The following INTS7 variants were observed in gnomAD, a reference collection of about 807,000 sequenced individuals.
INTS7 encodes the protein integrator complex subunit 7, also known as chromosome 1 open reading frame 73.
In INTS7, 46 loss-of-function variants were observed where a neutral mutation model predicts 109.2. The observed-to-expected ratio is 0.42, with a 90% CI of 0.33 to 0.54. The LOEUF (loss-of-function observed/expected upper bound fraction) is 0.54, where lower values mean the gene tolerates loss of function less well. INTS7 is among the 20% of genes least tolerant of loss of function. INTS7 has a pLI of 0.07. For missense variants in INTS7, 929 were observed against 1,132.4 expected (o/e 0.82, Z 2.58); for synonymous variants, 412 against 402.9 (o/e 1.02, Z -0.27).
chr1:211,940,663 T>C lies in INTS7; in HGVS notation c.*1161A>G, dbSNP rs1255692551. ...TAAAATAGGAAAAAAGGGGGTTTTC[T>C]GGCTAACCAGAAAACTCTGTTCCCT... On this transcript the variant is annotated 3_prime_UTR_variant, in exon 20 of 20. Coordinates refer to ENST00000366994, the MANE Select transcript of INTS7 (RefSeq NM_015434.4). 2.0e-5 allele frequency: 3 copies of C among 152,198 alleles called. No homozygotes were observed. In the East Asian group the frequency reaches 5.8e-4, roughly 29 times the overall value. The allele number at this position is 152,198 out of a possible 1,614,324, so 9.4% of individuals were successfully genotyped here.
At chr1:212,021,746 G>C (rs890859437) in intron 1 of INTS7, among the ~76,000 whole-genome samples, 2 of 151,860 alleles carry the variant, frequency 1.3e-5, no homozygotes, top group African/African-American at 4.8e-5. Flanking sequence ...TACTGAGGAG[G>C]CTGAGGTGGA....
chr1:211,974,306 T>TAA (rs1376095996), intron 13 of INTS7, among the ~76,000 whole-genome samples: 2 of 145,108 alleles, frequency 1.4e-5, no homozygotes, highest in African/African-American at 5.0e-5. Context: ...TATATATATA[T>TAA]ATAAAATACT....
At chr1:211,978,115 A>G (rs1423379802) in intron 11 of INTS7, among the ~76,000 whole-genome samples, 157 bp downstream of exon 11, 2 of 152,198 alleles carry the variant, frequency 1.3e-5, no homozygotes, top group Admixed American at 1.3e-4. Flanking sequence ...AGCCAATTCT[A>G]TTTTGACATC....
In INTS7 at chr1:211,981,938, TGCAGGA is replaced by T. The variant is rs369129119; in HGVS notation, c.1132+732_1132+737del. Among the ~76,000 whole-genome samples the T allele has an allele frequency of 2.7e-3, 412 of 152,246 alleles. 1 individual carries two copies. Among genetic ancestry groups the T allele is most frequent in the African/African-American group, 9.7e-3 (404 of 41,548 alleles). On this transcript the variant is annotated intron_variant, in intron 9 of 19. Transcript: ENST00000366994. ...TCAACTTTAAGAAATGTTTCCTGAG[TGCAGGA>T]GCTTGGCAAACAGAGTAAAGGCTAG...
At chr1:211,988,048 A>T in intron 7 of INTS7, 45 bp from the exon 8 acceptor site, 2 of 950,824 alleles carry the variant, frequency 2.1e-6, no homozygotes, top group Non-Finnish European at 3.3e-6. Flanking sequence ...AAACATCAAT[A>T]TACTTCTAAA....
At chr1:211,992,554 G>A (rs1057125674) in intron 7 of INTS7, among the ~76,000 whole-genome samples, 8 of 152,026 alleles carry the variant, frequency 5.3e-5, no homozygotes, top group Admixed American at 3.3e-4. Flanking sequence ...GTGGTGGGGC[G>A]CATCTGTAGT....
At chr1:212,015,761 C>CAAAAA (rs149829179) in intron 4 of INTS7, among the ~76,000 whole-genome samples, 4 of 92,016 alleles carry the variant, frequency 4.3e-5, no homozygotes, top group Non-Finnish European at 8.8e-5. Context: ...TTTCAGGATT[C>CAAAAA]AAAAAATTTA....
intron 3 of INTS7, 127 bp downstream of exon 3, chr1:212,019,995 G>T: frequency 1.7e-6 from 1 of 602,888 alleles, no homozygotes; most frequent in Non-Finnish European, 2.6e-6. Flanking sequence ...GTTTTGCCTT[G>T]ACTCTTAGTC....
In INTS7 at chr1:211,979,051, C is replaced by T. The variant is rs886075506; in HGVS notation, c.1231-540G>A. Among the ~76,000 whole-genome samples the T allele has an allele frequency of 2.6e-5, 4 of 152,262 alleles. No homozygotes were observed. In the South Asian group the frequency reaches 8.3e-4, roughly 32 times the overall value. ...TTTTCTCTTATTTCTCAACTGAAAT[C>T]TAAAAACCAATTTGGCTACAGAATT... On this transcript the variant is annotated intron_variant, in intron 10 of 19. Transcript: ENST00000366994.
At chr1:211,961,470 C>T (rs984324229) in intron 16 of INTS7, among the ~76,000 whole-genome samples, 2 of 151,248 alleles carry the variant, frequency 1.3e-5, no homozygotes, top group Non-Finnish European at 2.9e-5. Flanking sequence ...TGGTCTGTTG[C>T]CCAGGCTGGA....
intron 16 of INTS7, among the ~76,000 whole-genome samples, chr1:211,955,767 A>G (rs1285526908): frequency 6.6e-6 from 1 of 152,226 alleles, no homozygotes; most frequent in Admixed American, 6.5e-5. Flanking sequence ...ATCTACCTAC[A>G]GTTTATGCAT....
intron 1 of INTS7, among the ~76,000 whole-genome samples, chr1:212,031,837 C>T (rs887825342): frequency 1.3e-5 from 2 of 152,210 alleles, no homozygotes; most frequent in African/African-American, 4.8e-5. Flanking sequence ...CAGCTTACTG[C>T]CAATGCTTGC....
In INTS7 at chr1:211,987,883, T is replaced by C; in HGVS notation, c.997+3A>G. On this transcript the variant is annotated splice_donor_region_variant and intron_variant, in intron 8 of 19. Coordinates refer to ENST00000366994, the MANE Select transcript of INTS7 (RefSeq NM_015434.4). Reference sequence around the variant, plus strand: ...TATATGGTATCTCCTGTCTTTTCCTTACCTGGAACTATACTGAAGTAATGT... The same window carrying C: ...TATATGGTATCTCCTGTCTTTTCCTCACCTGGAACTATACTGAAGTAATGT... The C allele has an allele frequency of 1.3e-6, 2 of 1,501,580 alleles. No homozygotes were observed. The highest frequency in any genetic ancestry group is 1.7e-4 in the Middle Eastern group (1 of 5,800). The allele number at this position is 1,501,580 out of a possible 1,614,324, so 93.0% of individuals were successfully genotyped here. A position where few individuals can be genotyped will look rare whatever the true frequency, so the allele number is the denominator to read the frequency against.
chr1:212,028,131 C>G (rs1386720432), intron 1 of INTS7, among the ~76,000 whole-genome samples: 2 of 152,156 alleles, frequency 1.3e-5, no homozygotes, highest in African/African-American at 4.8e-5. Context: ...CCAGCCAGCA[C>G]CTAGATTCTC....
intron 9 of INTS7, among the ~76,000 whole-genome samples, chr1:211,982,093 T>C (rs531298990): frequency 2.3e-4 from 35 of 152,258 alleles, no homozygotes; most frequent in Middle Eastern, 3.4e-3. Context: ...CTGAAACAGA[T>C]GGAATATCCA....
chr1:212,007,385 A>G lies in INTS7; in HGVS notation c.621T>C (p.Asp207=). The G allele has an allele frequency of 1.2e-6, 2 of 1,614,042 alleles. No homozygotes were observed. The highest frequency in any genetic ancestry group is 1.7e-6 in the Non-Finnish European group (2 of 1,179,922). The change falls in exon 6 of 20, where the codon GAT becomes GAC. Residue 207 remains aspartate (D), a synonymous_variant. Coordinates refer to ENST00000366994, the MANE Select transcript of INTS7 (RefSeq NM_015434.4). ...LIPILQHMHH[D]AILASSARQL... is the part of the protein sequence containing the mutation. ...GACGAGCACTGGAAGCCAAGATTGC[A>G]TCATGGTGCATGTGCTGTAGAATGG...
intron 13 of INTS7, among the ~76,000 whole-genome samples, chr1:211,971,915 C>CAAAAGAAAAAAAAA: frequency 1.3e-5 from 1 of 79,820 alleles, no homozygotes; most frequent in Non-Finnish European, 2.4e-5. Flanking sequence ...AACTCAGTCT[C>CAAAAGAAAAAAAAA]AAAAAAAAAA....
intron 16 of INTS7, among the ~76,000 whole-genome samples, chr1:211,953,191 T>G (rs1052445285): frequency 6.6e-6 from 1 of 152,052 alleles, no homozygotes; most frequent in Non-Finnish European, 1.5e-5. Context: ...TACAGGACAT[T>G]CATAGCTAGA....
Position 211,968,091 on chromosome 1 carries a change from AT to A in INTS7, c.2011-111del, listed in dbSNP as rs376976487. ...TTCAAACAATAACAATTCAAAAAAA[AT>A]ACTGCCATCTTTTCACTGTCATTCC... On this transcript the variant is annotated intron_variant, in intron 14 of 19. Transcript: ENST00000366994. The A allele has an allele frequency of 3.4e-4, 194 of 569,488 alleles. No individual in the cohort carries two copies. The Middle Eastern group carries it at 4.5e-3, about 13-fold the overall frequency. The allele number at this position is 569,488 out of a possible 1,614,324, so 35.3% of individuals were successfully genotyped here.
Sources: allele counts gnomAD v4.1 joint callset (sites outside exome capture counted in the v4.1 genomes callset), GRCh38; gene constraint gnomAD v4.1.1; transcripts MANE v1.5; gene names NCBI Gene and HGNC (gene_info 2026-07-23, HGNC 2026-07-21).